TRHDE: variants seen among roughly 807,000 people sequenced by gnomAD.
The protein encoded by TRHDE is thyrotropin releasing hormone degrading enzyme, also known as thyrotropin-releasing hormone-degrading ectoenzyme.
Under a neutral mutation model 125.7 loss-of-function variants are expected in TRHDE, and 72 were observed. That is an observed-to-expected ratio of 0.57 (90% CI 0.47 to 0.70). The LOEUF is 0.70. TRHDE is among the 30% of genes least tolerant of loss of function. The probability of loss-of-function intolerance (pLI) is 0.00; values close to 1 mark genes in which losing one functional copy is unlikely to be tolerated. For missense variants in TRHDE, 1,110 were observed against 1,327.1 expected, an observed-to-expected ratio of 0.84 and a Z score of 2.54; for synonymous variants, 509 against 509.1, an observed-to-expected ratio of 1.00 and a Z score of 0.00.
At chr12:72,452,334 T>G (rs1875619655) in intron 3 of TRHDE, among the ~76,000 whole-genome samples, 1 of 152,110 alleles carries the variant, frequency 6.6e-6, no homozygotes, top group Non-Finnish European at 1.5e-5. Context: ...GCTCCAGTAG[T>G]TTTTTTGGTG....
At chr12:72,469,672 T>A (rs1261182589) in intron 3 of TRHDE, 86 bp from the exon 4 acceptor site, 2 of 1,422,806 alleles carry the variant, frequency 1.4e-6, no homozygotes, top group Non-Finnish European at 1.9e-6. Context: ...TCCTTATAAT[T>A]AGGATTTCTG....
At chr12:72,291,393 A>G (rs1880082676) in intron 2 of TRHDE, among the ~76,000 whole-genome samples, 1 of 152,234 alleles carries the variant, frequency 6.6e-6, no homozygotes, top group African/African-American at 2.4e-5. Context: ...TTAATTATGG[A>G]TGAATGGCCG....
At chr12:72,521,768 T>C (rs1464452051) in intron 6 of TRHDE, among the ~76,000 whole-genome samples, 1 of 152,180 alleles carries the variant, frequency 6.6e-6, no homozygotes, top group Non-Finnish European at 1.5e-5. Context: ...TGCCACATAA[T>C]TTTCCTTCTG....
At chr12:72,514,485 A>G (rs1189170249) in intron 6 of TRHDE, among the ~76,000 whole-genome samples, 1 of 152,140 alleles carries the variant, frequency 6.6e-6, no homozygotes, top group Non-Finnish European at 1.5e-5. Context: ...ATTAAAAAAG[A>G]GCTAAAGAGA....
chr12:72,575,657 A>G (rs931073822), intron 12 of TRHDE, 115 bp downstream of exon 12: 2 of 1,010,544 alleles, frequency 2.0e-6, no homozygotes, highest in African/African-American at 3.3e-5. Flanking sequence ...ATCTATTTCT[A>G]TCTTATGTTC....
At chr12:72,509,148 A>G (rs949629982) in intron 6 of TRHDE, among the ~76,000 whole-genome samples, 2 of 152,118 alleles carry the variant, frequency 1.3e-5, no homozygotes, top group African/African-American at 2.4e-5. Context: ...ATTTTCTGCA[A>G]CATCTCTCTG....
chr12:72,593,820 C>G (rs1871801773), intron 12 of TRHDE, among the ~76,000 whole-genome samples: 1 of 152,202 alleles, frequency 6.6e-6, no homozygotes, highest in African/African-American at 2.4e-5. Flanking sequence ...CCAGCTTTAT[C>G]TATGTCCCTG....
At chr12:72,342,517 G>A (rs1208721122) in intron 2 of TRHDE, among the ~76,000 whole-genome samples, 1 of 152,050 alleles carries the variant, frequency 6.6e-6, no homozygotes, top group African/African-American at 2.4e-5. Flanking sequence ...AAGAGAATAT[G>A]GTTAGTATAG....
At chr12:72,564,303 C>T (rs1219784270) in intron 9 of TRHDE, among the ~76,000 whole-genome samples, 2 of 152,150 alleles carry the variant, frequency 1.3e-5, no homozygotes, top group Non-Finnish European at 2.9e-5. Flanking sequence ...TTCTAATCTT[C>T]TGATGTCTGG....
chr12:72,457,050 G>A (rs1399669985), intron 3 of TRHDE, among the ~76,000 whole-genome samples: 3 of 152,062 alleles, frequency 2.0e-5, no homozygotes, highest in Non-Finnish European at 4.4e-5. Flanking sequence ...GAAAGACATG[G>A]TTCATAATTT....
intron 4 of TRHDE, among the ~76,000 whole-genome samples, chr12:72,470,964 C>A (rs1876618391): frequency 6.8e-6 from 1 of 146,708 alleles, no homozygotes; most frequent in Admixed American, 7.1e-5. Context: ...GCAGTCTTCG[C>A]CTCCCAGGTT....
chr12:72,286,954 A>G lies in TRHDE; in HGVS notation c.1188A>G (p.Val396=). 1 of 1,612,510 alleles carries G rather than the reference A, an allele frequency of 6.2e-7. No individual in the cohort carries two copies. The highest frequency in any genetic ancestry group is 8.5e-7 in the Non-Finnish European group (1 of 1,179,310). The stretch of plus-strand genomic sequence containing the variant: ...AAACTACCACCAAGAGTGGGGTTGT[A>G]GTAAGTATTTTCAGCTTAATGATGT... ...YRETTTKSGV[V]VRLYARPDAI... The change falls in exon 2 of 19, where the codon GTA becomes GTG. Residue 396 remains valine (V), a splice_region_variant and synonymous_variant. Transcript: ENST00000261180.
rs558051257 is a variant in TRHDE at position 72,483,221 on chromosome 12, T to A, written c.1584+10041T>A. ...ATGCCCTCTAAGTCTCACAGACCTA[T>A]TTTACCAATTTAGTTAGATTATCTT... On this transcript the variant is annotated intron_variant, in intron 5 of 18. Coordinates refer to ENST00000261180, the MANE Select transcript of TRHDE (RefSeq NM_013381.3). 4.3e-4 allele frequency among the ~76,000 whole-genome samples: 66 copies of A among 152,014 alleles called. 1 individual carries two copies. In the South Asian group the frequency reaches 5.6e-3, roughly 13 times the overall value.
At chr12:72,385,239 C>T (rs1335687059) in intron 3 of TRHDE, among the ~76,000 whole-genome samples, 1 of 151,592 alleles carries the variant, frequency 6.6e-6, no homozygotes, top group Non-Finnish European at 1.5e-5. Context: ...AACAAGAGCT[C>T]TTCAAATTAT....
chr12:72,230,344 C>A (rs180984777), intron 2 of TRHDE, among the ~76,000 whole-genome samples: 1 of 152,084 alleles, frequency 6.6e-6, no homozygotes, highest in African/African-American at 2.4e-5. Context: ...AAGCAGCTGT[C>A]GTAACAGTTG....
intron 2 of TRHDE, among the ~76,000 whole-genome samples, chr12:72,265,377 C>T (rs768627907): frequency 6.6e-6 from 1 of 151,912 alleles, no homozygotes; most frequent in South Asian, 2.1e-4. Context: ...ACAATACTCT[C>T]AGAAAAACAT....
intron 2 of TRHDE, among the ~76,000 whole-genome samples, chr12:72,220,969 T>C (rs2139367890): frequency 6.6e-6 from 1 of 152,204 alleles, no homozygotes; most frequent in Middle Eastern, 3.4e-3. Context: ...TTAACTTTTT[T>C]CTGAAATCTT....
intron 7 of TRHDE, among the ~76,000 whole-genome samples, chr12:72,551,458 A>G (rs188299527): frequency 2.7e-4 from 41 of 152,270 alleles, no homozygotes; most frequent in Non-Finnish European, 5.3e-4. Flanking sequence ...TTTAAGAACA[A>G]TAACACATAT....
chr12:72,442,859 C>T (rs1459340955), intron 3 of TRHDE, among the ~76,000 whole-genome samples: 4 of 151,794 alleles, frequency 2.6e-5, no homozygotes, highest in Non-Finnish European at 5.9e-5. Flanking sequence ...TTAACTATTT[C>T]TTAATTCTAT....
Sources: gnomAD v4.1 joint callset for allele counts (sites outside exome capture counted in the v4.1 genomes callset) on GRCh38, gnomAD v4.1.1 for gene constraint, MANE v1.5 for transcripts, NCBI Gene and HGNC (gene_info 2026-07-23, HGNC 2026-07-21) for gene names.